Variants in ANKIB1 observed in about 807,000 individuals in gnomAD.
The protein encoded by ANKIB1 is ankyrin repeat and IBR domain-containing protein 1.
A neutral mutation model predicts 122.1 loss-of-function variants in ANKIB1; 43 were observed. The ratio of observed to expected loss-of-function variants is 0.35; its 90% CI spans 0.28 to 0.45. The LOEUF (loss-of-function observed/expected upper bound fraction) is 0.45, where lower values mean the gene tolerates loss of function less well. ANKIB1 is among the 20% of genes least tolerant of loss of function. The probability of loss-of-function intolerance (pLI) is 1.00; values close to 1 mark genes in which losing one functional copy is unlikely to be tolerated. For synonymous variants in ANKIB1, 390 were observed against 442.0 expected, an observed-to-expected ratio of 0.88 and a Z score of 1.48; for missense variants, 992 against 1,329.5, an observed-to-expected ratio of 0.75 and a Z score of 3.95.
intron 7 of ANKIB1, among the ~76,000 whole-genome samples, chr7:92,348,943 A>G (rs1803600676): frequency 6.6e-6 from 1 of 152,230 alleles, no homozygotes; most frequent in Admixed American, 6.5e-5. Flanking sequence ...AAGAGGTGAT[A>G]GCAGCCAGAT....
rs1159289064 is a variant in ANKIB1, at chr7:92,400,347, G to A, written c.*1398G>A. The A allele has an allele frequency of 6.6e-6, 1 of 152,184 alleles. No homozygotes were observed. The highest frequency in any genetic ancestry group is 1.5e-5 in the Non-Finnish European group (1 of 68,028). The allele number at this position is 152,184 out of a possible 1,614,324, so 9.4% of individuals were successfully genotyped here. A position where few individuals can be genotyped will look rare whatever the true frequency, so the allele number is the denominator to read the frequency against. ...TAATTAGGATACAATGGTACAGTGT[G>A]TAATTAAAACTAGAGTAAACTGTTG... On this transcript the variant is annotated 3_prime_UTR_variant, in exon 20 of 20. Transcript: ENST00000265742.
chr7:92,258,840 A>G (rs904303351), intron 1 of ANKIB1, among the ~76,000 whole-genome samples: 3 of 142,228 alleles, frequency 2.1e-5, no homozygotes, highest in African/African-American at 9.3e-5. Flanking sequence ...TAAATAAAAG[A>G]GATCATAAAA....
intron 17 of ANKIB1, 43 bp from the exon 18 acceptor site, chr7:92,396,322 A>T: frequency 2.7e-6 from 3 of 1,102,618 alleles, no homozygotes; most frequent in Non-Finnish European, 4.0e-6. Flanking sequence ...GCATTTTAAA[A>T]ATTGCATGCT....
chr7:92,364,270 C>T (rs1336144121), intron 10 of ANKIB1, among the ~76,000 whole-genome samples: 3 of 147,844 alleles, frequency 2.0e-5, no homozygotes, highest in East Asian at 4.0e-4. Flanking sequence ...CTGAATTGCC[C>T]CACTGCACTC....
At chr7:92,356,494 G>C (rs1452852852) in intron 9 of ANKIB1, among the ~76,000 whole-genome samples, 1 of 152,130 alleles carries the variant, frequency 6.6e-6, no homozygotes, top group Admixed American at 6.5e-5. Flanking sequence ...TAAATATCAT[G>C]TGTACTCTCT....
At chr7:92,262,780 AG>A (rs1038724000) in intron 1 of ANKIB1, among the ~76,000 whole-genome samples, 36 of 152,140 alleles carry the variant, frequency 2.4e-4, no homozygotes, top group African/African-American at 8.2e-4. Flanking sequence ...GAAAGAAAAA[AG>A]ATTTTAGAAA....
rs1440009848 is a variant in ANKIB1 at position 92,285,234 on chromosome 7, C to CG, written c.-90-9654dup. 8.5e-5 allele frequency among the ~76,000 whole-genome samples: 13 copies of CG among 152,196 alleles called. No homozygotes were observed. The East Asian group carries it at 2.5e-3, about 29-fold the overall frequency. On this transcript the variant is annotated intron_variant, in intron 1 of 19. Transcript: ENST00000265742. ...TTCACCATGTTGGCCAGGCTGATCT[C>CG]GAACTCCTGACCTCAAGTGATCTAC...
intron 3 of ANKIB1, among the ~76,000 whole-genome samples, chr7:92,317,992 A>G (rs1802828239): frequency 6.6e-6 from 1 of 152,182 alleles, no homozygotes; most frequent in Non-Finnish European, 1.5e-5. Context: ...GAGTCAGTAT[A>G]GTGTCCAGTC....
chr7:92,279,272 T>C (rs1034411647), intron 1 of ANKIB1, among the ~76,000 whole-genome samples: 1 of 152,176 alleles, frequency 6.6e-6, no homozygotes, highest in African/African-American at 2.4e-5. Flanking sequence ...AACCTGGGGT[T>C]TGGGGACCCC....
intron 9 of ANKIB1, among the ~76,000 whole-genome samples, chr7:92,357,509 C>T (rs368180231): frequency 2.0e-5 from 3 of 151,936 alleles, no homozygotes; most frequent in Non-Finnish European, 4.4e-5. Flanking sequence ...CTGAGATGGG[C>T]GGATCCCTTG....
intron 1 of ANKIB1, among the ~76,000 whole-genome samples, chr7:92,250,116 G>C (rs1801294921): frequency 6.6e-6 from 1 of 152,132 alleles, no homozygotes; most frequent in Admixed American, 6.5e-5. Flanking sequence ...TAATTTGGCT[G>C]GGTGCAGTGG....
chr7:92,371,526 A>G lies in ANKIB1; in HGVS notation c.1536A>G (p.Leu512=). 1 of 1,606,928 alleles carries G rather than the reference A, an allele frequency of 6.2e-7. No individual in the cohort carries two copies. Among genetic ancestry groups the G allele is most frequent in the Non-Finnish European group, 8.5e-7 (1 of 1,176,346 alleles). Reference sequence around the variant, plus strand: ...AGGATGCCGCCAATTGTCTCTGGTTATTAACTAACTCCAAGCCTTGTGCCA... The same window carrying G: ...AGGATGCCGCCAATTGTCTCTGGTTGTTAACTAACTCCAAGCCTTGTGCCA... ...AYEDAANCLW[L]LTNSKPCANC... is the part of the protein sequence containing the mutation. The change falls in exon 11 of 20, where the codon TTA becomes TTG. Residue 512 remains leucine, a synonymous_variant. Transcript: ENST00000265742.
At chr7:92,314,877 A>G (rs1015282896) in intron 3 of ANKIB1, among the ~76,000 whole-genome samples, 2 of 152,166 alleles carry the variant, frequency 1.3e-5, no homozygotes, top group Admixed American at 6.5e-5. Flanking sequence ...CGCTAATTCT[A>G]TTGTGAACTG....
chr7:92,360,466 AC>A (rs1803917058), intron 9 of ANKIB1, among the ~76,000 whole-genome samples: 1 of 152,038 alleles, frequency 6.6e-6, no homozygotes, highest in Admixed American at 6.6e-5. Flanking sequence ...GTGTGTGTAT[AC>A]TGCACAATTT....
chr7:92,280,980 T>C (rs933900281), intron 1 of ANKIB1, among the ~76,000 whole-genome samples: 19 of 152,156 alleles, frequency 1.2e-4, no homozygotes, highest in African/African-American at 4.1e-4. Flanking sequence ...GTGATTCCCT[T>C]AGAGAACTCA....
At chr7:92,267,179 G>A (rs1018075957) in intron 1 of ANKIB1, among the ~76,000 whole-genome samples, 2 of 152,230 alleles carry the variant, frequency 1.3e-5, no homozygotes, top group African/African-American at 2.4e-5. Context: ...GTAGCTACGT[G>A]TGGGATATTT....
intron 1 of ANKIB1, among the ~76,000 whole-genome samples, chr7:92,266,940 A>G (rs748606128): frequency 6.6e-6 from 1 of 152,220 alleles, no homozygotes; most frequent in Non-Finnish European, 1.5e-5. Context: ...CACCTTCATT[A>G]TAGCGCAGTG....
chr7:92,309,444 G>T (rs2131937821), intron 3 of ANKIB1, among the ~76,000 whole-genome samples: 1 of 152,192 alleles, frequency 6.6e-6, no homozygotes, highest in East Asian at 1.9e-4. Flanking sequence ...GGATTTGGAG[G>T]GTAGGGGACT....
intron 11 of ANKIB1, among the ~76,000 whole-genome samples, chr7:92,383,932 A>C (rs1210717706): frequency 6.6e-6 from 1 of 152,214 alleles, no homozygotes; most frequent in African/African-American, 2.4e-5. Flanking sequence ...TCAATTAGGA[A>C]AAGAGGAAGT....
Sources: gnomAD v4.1 joint callset for allele counts (sites outside exome capture counted in the v4.1 genomes callset) on GRCh38, gnomAD v4.1.1 for gene constraint, MANE v1.5 for transcripts, NCBI Gene and HGNC (gene_info 2026-07-23, HGNC 2026-07-21) for gene names.